KIF26B: variants seen among roughly 807,000 people sequenced by gnomAD.
The protein encoded by KIF26B is kinesin family member 26B.
KIF26B carries 63 observed loss-of-function variants against 151.2 expected under a neutral mutation model. The observed-to-expected ratio is 0.42, with a 90% CI of 0.34 to 0.51. The LOEUF (loss-of-function observed/expected upper bound fraction) is 0.51. Among genes scored for constraint, KIF26B ranks in the 20% least tolerant of loss-of-function variants. KIF26B has a pLI of 0.07. For synonymous variants in KIF26B, 1,357 were observed against 1,262.1 expected (o/e 1.08, Z -1.59); for missense variants, 2,813 against 2,913.6 (o/e 0.97, Z 0.79).
intron 2 of KIF26B, among the ~76,000 whole-genome samples, chr1:245,169,452 C>T (rs1339631950): frequency 6.6e-6 from 1 of 151,790 alleles, no homozygotes; most frequent in East Asian, 1.9e-4. Context: ...CATTGTTAGG[C>T]TGAAGCTTTT....
rs532283994 is a variant in KIF26B at position 245,609,675 on chromosome 1, C to T, written c.1914+147C>T. The T allele has an allele frequency of 4.8e-6, 4 of 824,828 alleles. No homozygotes were observed. The Admixed American group carries it at 1.5e-4, about 30-fold the overall frequency. The allele number at this position is 824,828 out of a possible 1,614,324, so 51.1% of individuals were successfully genotyped here. On this transcript the variant is annotated intron_variant, in intron 8 of 14. Coordinates refer to ENST00000407071, the MANE Select transcript of KIF26B (RefSeq NM_018012.4). The stretch of plus-strand genomic sequence containing the variant: ...AAGTGGACTGGAACTTTATGGCCTG[C>T]AGCTGTGGGGCCATCGGCTTGCCCA...
chr1:245,437,146 C>T (rs931559609), intron 4 of KIF26B, among the ~76,000 whole-genome samples: 1 of 152,194 alleles, frequency 6.6e-6, no homozygotes, highest in African/African-American at 2.4e-5. Context: ...CTTGGCCTCC[C>T]AAAGTGCTGG....
intron 2 of KIF26B, among the ~76,000 whole-genome samples, chr1:245,203,243 T>G: frequency 1.9e-3 from 1 of 540 alleles, no homozygotes; most frequent in Non-Finnish European, 5.1e-3. Flanking sequence ...CGCGACTCTG[T>G]CTCAAAAAAA....
intron 2 of KIF26B, among the ~76,000 whole-genome samples, chr1:245,270,271 TCCTTTCCTTCTTTCCTTCC>T (rs1341864821): frequency 8.2e-6 from 1 of 121,520 alleles, no homozygotes; most frequent in Non-Finnish European, 1.8e-5. Flanking sequence ...TCCTTTCCCT[TCCTTTCCTTCTTTCCTTCC>T]CTTCCCTTCC....
intron 12 of KIF26B, among the ~76,000 whole-genome samples, chr1:245,697,741 T>G (rs2044713345): frequency 6.6e-6 from 1 of 152,110 alleles, no homozygotes; most frequent in Non-Finnish European, 1.5e-5. Flanking sequence ...AGATTGAAAT[T>G]CAGGCTTCAG....
intron 3 of KIF26B, among the ~76,000 whole-genome samples, chr1:245,388,989 C>T (rs1375740187): frequency 6.6e-6 from 1 of 152,188 alleles, no homozygotes; most frequent in African/African-American, 2.4e-5. Flanking sequence ...AAAAGCTTAT[C>T]CAGAGAAAGA....
At chr1:245,177,493 G>A (rs995330764) in intron 2 of KIF26B, among the ~76,000 whole-genome samples, 4 of 152,190 alleles carry the variant, frequency 2.6e-5, no homozygotes, top group African/African-American at 9.7e-5. Context: ...GGCTCACACT[G>A]ACGAATGGCT....
At chr1:245,558,784 C>T (rs1016784876) in intron 5 of KIF26B, among the ~76,000 whole-genome samples, 5 of 152,198 alleles carry the variant, frequency 3.3e-5, no homozygotes, top group African/African-American at 2.4e-5. Context: ...AGGCAAAATA[C>T]ATGACACTGT....
chr1:245,360,214 G>A (rs1180207315), intron 2 of KIF26B, among the ~76,000 whole-genome samples: 1 of 152,102 alleles, frequency 6.6e-6, no homozygotes, highest in Non-Finnish European at 1.5e-5. Flanking sequence ...TGGTGGTTAA[G>A]TGAATATGAT....
At position 245,284,070 on chromosome 1, in the gene KIF26B, G is replaced by T. The variant is rs141968889; in HGVS notation, c.466-82764G>T. On this transcript the variant is annotated intron_variant, in intron 2 of 14. Coordinates refer to ENST00000407071, the MANE Select transcript of KIF26B (RefSeq NM_018012.4). ...CCTTTCCCTCTCTAGCCCATCAGAG[G>T]CAACCACTGTGCTGAATTTAGTATC... 3.8e-3 allele frequency among the ~76,000 whole-genome samples: 583 copies of T among 152,228 alleles called. 2 individuals carry two copies. The highest frequency in any genetic ancestry group is 0.014 in the African/African-American group (561 of 41,536).
intron 4 of KIF26B, among the ~76,000 whole-genome samples, chr1:245,471,843 G>A (rs1659922164): frequency 6.6e-6 from 1 of 151,150 alleles, no homozygotes; most frequent in Non-Finnish European, 1.5e-5. Flanking sequence ...CCAGGCTGGA[G>A]TGCAATGGCA....
At chr1:245,679,433 GT>G (rs375193891) in intron 10 of KIF26B, among the ~76,000 whole-genome samples, 2 of 136,308 alleles carry the variant, frequency 1.5e-5, no homozygotes, top group Non-Finnish European at 1.5e-5. Flanking sequence ...AAATCTGGGG[GT>G]TTTTTGTGTT....
chr1:245,299,320 GTTTTTTTTTTT>G (rs55957858), intron 2 of KIF26B, among the ~76,000 whole-genome samples: 1 of 103,196 alleles, frequency 9.7e-6, no homozygotes, highest in African/African-American at 3.6e-5. Context: ...CCAATTCTGG[GTTTTTTTTTTT>G]TTTTTTTTTT....
intron 5 of KIF26B, among the ~76,000 whole-genome samples, chr1:245,574,048 C>T (rs1429572133): frequency 6.6e-6 from 1 of 152,150 alleles, no homozygotes; most frequent in Non-Finnish European, 1.5e-5. Flanking sequence ...AAAACAAAAC[C>T]GTGGGTAAGG....
At chr1:245,387,814 A>C (rs1018924119) in intron 3 of KIF26B, among the ~76,000 whole-genome samples, 5 of 152,118 alleles carry the variant, frequency 3.3e-5, no homozygotes, top group African/African-American at 1.2e-4. Flanking sequence ...ATCTATGTAG[A>C]CTCATGGAGT....
intron 2 of KIF26B, among the ~76,000 whole-genome samples, chr1:245,201,561 A>G (rs1669301438): frequency 6.6e-6 from 1 of 152,226 alleles, no homozygotes; most frequent in African/African-American, 2.4e-5. Context: ...CTTTTAAGAC[A>G]ACAACCTAGA....
intron 10 of KIF26B, among the ~76,000 whole-genome samples, chr1:245,655,949 A>G (rs1224795109): frequency 1.3e-5 from 2 of 152,212 alleles, no homozygotes; most frequent in Non-Finnish European, 2.9e-5. Flanking sequence ...CTGATCAGCA[A>G]GGTAGATTCT....
At chr1:245,222,910 G>A (rs1669802653) in intron 2 of KIF26B, among the ~76,000 whole-genome samples, 1 of 152,146 alleles carries the variant, frequency 6.6e-6, no homozygotes, top group Non-Finnish European at 1.5e-5. Flanking sequence ...AAAACTGAAA[G>A]AATTTTCTCG....
chr1:245,577,611 CGG>C (rs2043132981), intron 5 of KIF26B, among the ~76,000 whole-genome samples: 3 of 149,242 alleles, frequency 2.0e-5, no homozygotes, highest in Non-Finnish European at 4.5e-5. Context: ...TTGTGGAACT[CGG>C]CAGTGCATCC....
Sources: gnomAD v4.1 joint callset for allele counts (sites outside exome capture counted in the v4.1 genomes callset) on GRCh38, gnomAD v4.1.1 for gene constraint, MANE v1.5 for transcripts, NCBI Gene and HGNC (gene_info 2026-07-23, HGNC 2026-07-21) for gene names.